PKN2: variants seen among roughly 807,000 people sequenced by gnomAD.
PKN2 encodes the protein serine/threonine-protein kinase N2.
A neutral mutation model predicts 119.1 loss-of-function variants in PKN2; 38 were observed. That is an observed-to-expected ratio of 0.32 (90% CI 0.25 to 0.42). The LOEUF (loss-of-function observed/expected upper bound fraction) is 0.42. Ranked by LOEUF, PKN2 falls within the 10% of genes least tolerant of loss-of-function variation. PKN2 has a pLI of 1.00. For missense variants in PKN2, 850 were observed against 1,165.1 expected, an observed-to-expected ratio of 0.73 and a Z score of 3.94; for synonymous variants, 390 against 384.9, an observed-to-expected ratio of 1.01 and a Z score of -0.15.
At chr1:88,722,566 G>A (rs2100708393) in intron 1 of PKN2, among the ~76,000 whole-genome samples, 2 of 152,150 alleles carry the variant, frequency 1.3e-5, no homozygotes, top group South Asian at 4.1e-4. Context: ...CTTGAGCCAG[G>A]AGTTCAAGAC....
At position 88,730,121 on chromosome 1, in the gene PKN2, T is replaced by A. The variant is rs557234842; in HGVS notation, c.49-10867T>A. On this transcript the variant is annotated intron_variant, in intron 1 of 21. Transcript: ENST00000370521. ...CGGAGCTTGCAGTGAGCGGAGATTG[T>A]GCCACTGCACTCCAGCCTGGGCGAC... is the stretch of plus-strand genomic sequence containing the variant. Among the ~76,000 whole-genome samples, 5 of 151,300 alleles carry A rather than the reference T, an allele frequency of 3.3e-5. No individual in the cohort carries two copies. The East Asian group carries it at 7.8e-4, about 24-fold the overall frequency.
intron 4 of PKN2, 70 bp downstream of exon 4, chr1:88,770,539 A>G: frequency 1.2e-6 from 1 of 802,222 alleles, no homozygotes; most frequent in Non-Finnish European, 2.2e-6. Context: ...GGAACAGGGC[A>G]GTGGTTCAAA....
intron 3 of PKN2, among the ~76,000 whole-genome samples, chr1:88,766,305 T>C (rs1024315682): frequency 2.0e-5 from 3 of 152,178 alleles, no homozygotes; most frequent in African/African-American, 7.2e-5. Flanking sequence ...CATAAATACA[T>C]GATGAAAAAA....
chr1:88,766,362 C>A (rs2100792737), intron 3 of PKN2, among the ~76,000 whole-genome samples: 1 of 152,154 alleles, frequency 6.6e-6, no homozygotes, highest in Non-Finnish European at 1.5e-5. Flanking sequence ...CTAATAAGAA[C>A]AATGATTGGC....
At chr1:88,781,553 A>G (rs1474643244) in intron 6 of PKN2, among the ~76,000 whole-genome samples, 1 of 152,038 alleles carries the variant, frequency 6.6e-6, no homozygotes, top group East Asian at 1.9e-4. Flanking sequence ...AAAATTTCAT[A>G]TTGTGCTTTA....
intron 8 of PKN2, among the ~76,000 whole-genome samples, chr1:88,797,606 C>T (rs57812033): frequency 0.039 from 5,871 of 149,864 alleles, 269 homozygotes; most frequent in African/African-American, 0.1. Flanking sequence ...TGCGCCACTG[C>T]GCTCCAGCCT....
At chr1:88,755,023 G>A (rs1190718762) in intron 2 of PKN2, among the ~76,000 whole-genome samples, 2 of 152,106 alleles carry the variant, frequency 1.3e-5, no homozygotes, top group African/African-American at 2.4e-5. Context: ...TTGTAATCAT[G>A]GGGTTTAGTT....
At chr1:88,804,256 T>G (rs1191637226) in intron 8 of PKN2, 135 bp from the exon 9 acceptor site, 1 of 660,436 alleles carries the variant, frequency 1.5e-6, no homozygotes, top group Non-Finnish European at 2.6e-6. Flanking sequence ...CAAACCTCTT[T>G]AAAACAGTGT....
intron 19 of PKN2, 76 bp downstream of exon 19, chr1:88,828,699 C>T (rs1044675278): frequency 2.5e-6 from 3 of 1,203,792 alleles, no homozygotes; most frequent in Non-Finnish European, 3.5e-6. Flanking sequence ...ATAAAACCAC[C>T]TAATACTGTC....
chr1:88,796,911 G>A (rs1391224283), intron 8 of PKN2, among the ~76,000 whole-genome samples: 1 of 152,030 alleles, frequency 6.6e-6, no homozygotes, highest in Non-Finnish European at 1.5e-5. Context: ...AAACTGAAAA[G>A]GAGGTTTGCT....
chr1:88,812,590 G>A (rs1162420817), intron 15 of PKN2, among the ~76,000 whole-genome samples: 3 of 152,012 alleles, frequency 2.0e-5, no homozygotes, highest in Non-Finnish European at 4.4e-5. Context: ...AAAAATAAAA[G>A]CCAGGCATGG....
intron 1 of PKN2, among the ~76,000 whole-genome samples, chr1:88,724,867 C>T (rs1355148440): frequency 6.7e-5 from 10 of 148,700 alleles, no homozygotes; most frequent in Admixed American, 1.3e-4. Context: ...CCACTGTGCC[C>T]GCCCCCACCC....
At chr1:88,697,004 A>G (rs2100656646) in intron 1 of PKN2, among the ~76,000 whole-genome samples, 1 of 152,238 alleles carries the variant, frequency 6.6e-6, no homozygotes, top group South Asian at 2.1e-4. Context: ...AAATTGGACA[A>G]TCCTTAAAAT....
intron 1 of PKN2, among the ~76,000 whole-genome samples, chr1:88,685,803 G>A (rs570307475): frequency 3.4e-4 from 52 of 152,236 alleles, no homozygotes; most frequent in African/African-American, 1.1e-3. Context: ...CTGAAGAGTT[G>A]ATGTCAAAAT....
intron 1 of PKN2, among the ~76,000 whole-genome samples, chr1:88,699,768 AT>A (rs549720136): frequency 6.3e-5 from 8 of 126,216 alleles, no homozygotes; most frequent in South Asian, 2.2e-4. Flanking sequence ...TGTTCCTTTT[AT>A]TTTTTTTTTA....
intron 2 of PKN2, among the ~76,000 whole-genome samples, chr1:88,741,900 ATATT>A (rs1375296681): frequency 6.6e-6 from 1 of 152,092 alleles, no homozygotes; most frequent in Non-Finnish European, 1.5e-5. Flanking sequence ...GAATTAATAA[ATATT>A]TATGTTGGAA....
At chr1:88,794,036 A>G (rs1415347506) in intron 8 of PKN2, among the ~76,000 whole-genome samples, 1 of 152,292 alleles carries the variant, frequency 6.6e-6, no homozygotes, top group East Asian at 1.9e-4. Context: ...CTCCTTTGTC[A>G]TTTTAAATGA....
intron 16 of PKN2, among the ~76,000 whole-genome samples, chr1:88,819,620 TCTAGAA>T (rs1220440126): frequency 1.3e-5 from 2 of 152,130 alleles, no homozygotes; most frequent in African/African-American, 4.8e-5. Context: ...TCCTCAAGGA[TCTAGAA>T]CTAGAAATAT....
At chr1:88,799,294 G>T (rs142636812) in intron 8 of PKN2, among the ~76,000 whole-genome samples, 1 of 152,168 alleles carries the variant, frequency 6.6e-6, no homozygotes, top group Non-Finnish European at 1.5e-5. Context: ...GTCTCCTACT[G>T]TTGTCTCTGT....
Sources: allele counts gnomAD v4.1 joint callset (sites outside exome capture counted in the v4.1 genomes callset), GRCh38; gene constraint gnomAD v4.1.1; transcripts MANE v1.5; gene names NCBI Gene and HGNC (gene_info 2026-07-23, HGNC 2026-07-21).